NEO1: variants seen among roughly 807,000 people sequenced by gnomAD.
NEO1 encodes neogenin 1.
Under a neutral mutation model 159.7 loss-of-function variants are expected in NEO1, and 63 were observed. The observed-to-expected ratio is 0.39, with a 90% CI of 0.32 to 0.49. The LOEUF is 0.49. Among genes scored for constraint, NEO1 ranks in the 20% least tolerant of loss-of-function variants. NEO1 has a pLI of 0.85. For synonymous variants in NEO1, 633 were observed against 662.0 expected, an observed-to-expected ratio of 0.96 and a Z score of 0.67; for missense variants, 1,615 against 1,831.0, an observed-to-expected ratio of 0.88 and a Z score of 2.15.
intron 4 of NEO1, among the ~76,000 whole-genome samples, chr15:73,133,872 C>G (rs1310457748): frequency 2.0e-5 from 3 of 152,136 alleles, no homozygotes; most frequent in Non-Finnish European, 2.9e-5. Flanking sequence ...TTAAGAAAGA[C>G]TGACTGCTAT....
At chr15:73,196,969 G>A (rs1349068589) in intron 7 of NEO1, among the ~76,000 whole-genome samples, 2 of 152,140 alleles carry the variant, frequency 1.3e-5, no homozygotes, top group African/African-American at 4.8e-5. Context: ...ATTATAGTTT[G>A]TAAATATCTA....
At chr15:73,119,707 C>G (rs2071521887) in intron 2 of NEO1, among the ~76,000 whole-genome samples, 1 of 152,114 alleles carries the variant, frequency 6.6e-6, no homozygotes. Flanking sequence ...AGTTACTAGT[C>G]CTCCATCTGC....
intron 5 of NEO1, among the ~76,000 whole-genome samples, chr15:73,165,666 C>T (rs759321147): frequency 2.6e-5 from 4 of 152,060 alleles, no homozygotes; most frequent in African/African-American, 9.7e-5. Context: ...AATTAAGGGG[C>T]GTGGACACAA....
At chr15:73,112,117 C>A (rs907086679) in intron 1 of NEO1, among the ~76,000 whole-genome samples, 1 of 152,046 alleles carries the variant, frequency 6.6e-6, no homozygotes, top group African/African-American at 2.4e-5. Context: ...TAATCATATA[C>A]ATATGAAATT....
At chr15:73,267,787 A>G (rs1167216349) in intron 16 of NEO1, among the ~76,000 whole-genome samples, 2 of 152,118 alleles carry the variant, frequency 1.3e-5, no homozygotes, top group Non-Finnish European at 2.9e-5. Context: ...CCAGTCTATC[A>G]TTATTGGACA....
chr15:73,098,666 A>G (rs548071799), intron 1 of NEO1, among the ~76,000 whole-genome samples: 7 of 152,300 alleles, frequency 4.6e-5, no homozygotes, highest in Admixed American at 6.5e-5. Context: ...GAGGGACATC[A>G]AAGTTGTTTC....
chr15:73,078,563 C>A (rs1434941361), intron 1 of NEO1, among the ~76,000 whole-genome samples: 1 of 152,200 alleles, frequency 6.6e-6, no homozygotes, highest in Non-Finnish European at 1.5e-5. Flanking sequence ...AGAGGTCTAA[C>A]ACACAGTAAA....
intron 4 of NEO1, 41 bp downstream of exon 4, chr15:73,126,611 T>G: frequency 6.3e-7 from 1 of 1,582,270 alleles, no homozygotes; most frequent in Non-Finnish European, 8.6e-7. Context: ...AGCCTTAGCT[T>G]GAGACTTTGT....
At chr15:73,202,263 T>G (rs901532206) in intron 7 of NEO1, among the ~76,000 whole-genome samples, 1 of 152,130 alleles carries the variant, frequency 6.6e-6, no homozygotes, top group Non-Finnish European at 1.5e-5. Context: ...GTGCCTGGCC[T>G]CCCTTTACTT....
chr15:73,150,128 A>G (rs1446958445), intron 5 of NEO1, among the ~76,000 whole-genome samples: 1 of 152,170 alleles, frequency 6.6e-6, no homozygotes, highest in Non-Finnish European at 1.5e-5. Flanking sequence ...ATTTACATGG[A>G]CTGAATTTGA....
intron 1 of NEO1, among the ~76,000 whole-genome samples, chr15:73,059,519 A>G (rs2067876727): frequency 6.6e-6 from 1 of 152,214 alleles, no homozygotes; most frequent in African/African-American, 2.4e-5. Context: ...ATTATGCACA[A>G]AACTACACTG....
intron 7 of NEO1, among the ~76,000 whole-genome samples, chr15:73,223,743 A>G (rs2038418847): frequency 6.6e-6 from 1 of 152,178 alleles, no homozygotes; most frequent in Non-Finnish European, 1.5e-5. Context: ...GCAGTTGTGT[A>G]TCTTTTAAGT....
At chr15:73,150,328 A>G (rs1046963812) in intron 5 of NEO1, among the ~76,000 whole-genome samples, 37 of 152,254 alleles carry the variant, frequency 2.4e-4, no homozygotes, top group African/African-American at 7.7e-4. Flanking sequence ...AATCATAGTA[A>G]TTTCCCAATA....
At chr15:73,074,940 A>G (rs536076701) in intron 1 of NEO1, among the ~76,000 whole-genome samples, 10 of 152,176 alleles carry the variant, frequency 6.6e-5, no homozygotes, top group African/African-American at 1.2e-4. Context: ...TTTTATCTCT[A>G]TATCCTTAGG....
intron 1 of NEO1, among the ~76,000 whole-genome samples, chr15:73,109,201 T>G (rs2151562796): frequency 6.6e-6 from 1 of 152,322 alleles, no homozygotes; most frequent in South Asian, 2.1e-4. Flanking sequence ...CCTAGACTGT[T>G]AGCGATTTTG....
chr15:73,229,451 G>GTT (rs200164416), intron 7 of NEO1, among the ~76,000 whole-genome samples: 1,927 of 131,806 alleles, frequency 0.015, 39 homozygotes, highest in African/African-American at 0.048. Flanking sequence ...AGTTTTAGTT[G>GTT]TTTTTTTTTT....
chr15:73,099,700 A>AT (rs2070290423), intron 1 of NEO1, among the ~76,000 whole-genome samples: 2 of 152,162 alleles, frequency 1.3e-5, no homozygotes, highest in African/African-American at 2.4e-5. Flanking sequence ...TCAACTTAGA[A>AT]TTTTTTTAAC....
intron 7 of NEO1, among the ~76,000 whole-genome samples, chr15:73,196,102 A>G (rs911263347): frequency 6.6e-6 from 1 of 152,148 alleles, no homozygotes; most frequent in Admixed American, 6.5e-5. Context: ...TGGGAATCAC[A>G]TTGAGGAGAC....
At chr15:73,153,477 A>G (rs1385893758) in intron 5 of NEO1, among the ~76,000 whole-genome samples, 1 of 152,216 alleles carries the variant, frequency 6.6e-6, no homozygotes. Flanking sequence ...ATGAGGTGTA[A>G]ATTATTTGTG....
Sources: gnomAD v4.1 joint callset for allele counts (sites outside exome capture counted in the v4.1 genomes callset) on GRCh38, gnomAD v4.1.1 for gene constraint, MANE v1.5 for transcripts, NCBI Gene and HGNC (gene_info 2026-07-23, HGNC 2026-07-21) for gene names.